Variants in CNTN4 observed in about 807,000 individuals in gnomAD.
CNTN4 encodes contactin-4.
Under a neutral mutation model 122.5 loss-of-function variants are expected in CNTN4, and 77 were observed. The observed-to-expected ratio is 0.63, with a 90% CI of 0.52 to 0.76. CNTN4 has a LOEUF of 0.76. CNTN4 is among the 30% of genes least tolerant of loss of function. CNTN4 has a pLI of 0.00. For synonymous variants in CNTN4, 512 were observed against 447.0 expected (o/e 1.15, Z -1.83); for missense variants, 1,256 against 1,259.1 (o/e 1.00, Z 0.04).
At chr3:2,699,983 T>C (rs1358730917) in intron 4 of CNTN4, among the ~76,000 whole-genome samples, 2 of 152,124 alleles carry the variant, frequency 1.3e-5, no homozygotes, top group African/African-American at 4.8e-5. Flanking sequence ...ACCAAACAGA[T>C]GGAATGGCAA....
At chr3:2,573,259 C>T (rs910839966) in intron 4 of CNTN4, among the ~76,000 whole-genome samples, 2 of 152,172 alleles carry the variant, frequency 1.3e-5, no homozygotes, top group African/African-American at 4.8e-5. Context: ...ACTTATACAT[C>T]TTTTAATAGT....
intron 2 of CNTN4, among the ~76,000 whole-genome samples, chr3:2,221,397 C>G (rs1274252293): frequency 1.3e-5 from 2 of 151,464 alleles, no homozygotes; most frequent in Non-Finnish European, 1.5e-5. Flanking sequence ...TATACAAATA[C>G]TAATTTAAAA....
chr3:2,229,979 A>C (rs1000246443), intron 2 of CNTN4, among the ~76,000 whole-genome samples: 4 of 151,926 alleles, frequency 2.6e-5, no homozygotes, highest in African/African-American at 9.7e-5. Flanking sequence ...AACCATCTTC[A>C]TCATGGAATT....
chr3:2,646,830 T>C (rs1403307298), intron 4 of CNTN4, among the ~76,000 whole-genome samples: 2 of 152,180 alleles, frequency 1.3e-5, no homozygotes, highest in Non-Finnish European at 2.9e-5. Context: ...AAATTTCCTC[T>C]TCTTATAAGG....
At chr3:2,209,348 A>G (rs2038502917) in intron 2 of CNTN4, among the ~76,000 whole-genome samples, 1 of 152,184 alleles carries the variant, frequency 6.6e-6, no homozygotes, top group African/African-American at 2.4e-5. Context: ...GGTTACATCT[A>G]ACTGCTAAGG....
chr3:2,737,300 C>T (rs2089180872), intron 5 of CNTN4, among the ~76,000 whole-genome samples: 1 of 151,938 alleles, frequency 6.6e-6, no homozygotes, highest in African/African-American at 2.4e-5. Flanking sequence ...AAACTGGTCT[C>T]GTATTCCTGA....
At chr3:2,585,936 A>G (rs1191879497) in intron 4 of CNTN4, among the ~76,000 whole-genome samples, 1 of 152,098 alleles carries the variant, frequency 6.6e-6, no homozygotes. Flanking sequence ...TGATGTAACT[A>G]GAACCATGTG....
At chr3:2,758,478 C>G (rs2090438607) in intron 6 of CNTN4, among the ~76,000 whole-genome samples, 1 of 149,224 alleles carries the variant, frequency 6.7e-6, no homozygotes, top group Admixed American at 6.7e-5. Flanking sequence ...TAGAAAAAAA[C>G]TCATTATGAA....
intron 2 of CNTN4, among the ~76,000 whole-genome samples, chr3:2,109,442 C>G (rs2032769102): frequency 6.6e-6 from 1 of 152,160 alleles, no homozygotes; most frequent in Non-Finnish European, 1.5e-5. Flanking sequence ...CATATCCTCT[C>G]TACCTTTGGG....
intron 3 of CNTN4, among the ~76,000 whole-genome samples, chr3:2,393,653 T>C (rs1210035363): frequency 6.6e-6 from 1 of 152,200 alleles, no homozygotes; most frequent in Non-Finnish European, 1.5e-5. Context: ...ACCTTCTTTT[T>C]TAAATTATCA....
intron 17 of CNTN4, among the ~76,000 whole-genome samples, chr3:3,036,608 C>CAA (rs57755039): frequency 0.32 from 48,059 of 148,496 alleles, 7,878 homozygotes; most frequent in Non-Finnish European, 0.37. Flanking sequence ...ACTAAAAATA[C>CAA]AAAAAAAAAA....
Position 2,870,520 on chromosome 3 carries a change from G to T in CNTN4, c.652+3571G>T, listed in dbSNP as rs550617163. Among the ~76,000 whole-genome samples, 182 of 152,296 alleles carry T rather than the reference G, an allele frequency of 1.2e-3. 1 individual carries two copies. The highest frequency in any genetic ancestry group is 4.1e-3 in the African/African-American group (172 of 41,578). On this transcript the variant is annotated intron_variant, in intron 8 of 24. Transcript: ENST00000418658. ...ATTGCAAAATAAAGAGGACATTCTT[G>T]TTAAAATCTATTCTGTGACAGTAAA...
intron 13 of CNTN4, among the ~76,000 whole-genome samples, chr3:2,980,906 G>A (rs772722660): frequency 2.0e-5 from 3 of 152,132 alleles, no homozygotes; most frequent in Non-Finnish European, 4.4e-5. Context: ...TTATGCAAAT[G>A]AGGTCTTTGC....
At chr3:2,941,400 G>A (rs959756466) in intron 13 of CNTN4, among the ~76,000 whole-genome samples, 2 of 152,050 alleles carry the variant, frequency 1.3e-5, no homozygotes, top group African/African-American at 4.8e-5. Context: ...AGCAATGTAT[G>A]GTTAACATTC....
intron 15 of CNTN4, 57 bp downstream of exon 15, chr3:3,026,334 T>C: frequency 2.1e-6 from 3 of 1,419,456 alleles, no homozygotes; most frequent in Non-Finnish European, 3.0e-6. Context: ...AACTTAACAA[T>C]ATATTTAAAG....
intron 3 of CNTN4, among the ~76,000 whole-genome samples, chr3:2,540,982 T>G (rs909064851): frequency 8.5e-5 from 13 of 152,242 alleles, no homozygotes; most frequent in African/African-American, 2.2e-4. Flanking sequence ...AAAGCATCTG[T>G]TTTGCATATG....
chr3:2,658,015 A>G (rs1266500623), intron 4 of CNTN4, among the ~76,000 whole-genome samples: 1 of 148,070 alleles, frequency 6.8e-6, no homozygotes, highest in Non-Finnish European at 1.5e-5. Flanking sequence ...TTATAATAGT[A>G]AATAGCTATG....
intron 4 of CNTN4, among the ~76,000 whole-genome samples, chr3:2,634,702 ATATG>A (rs1244182876): frequency 1.8e-4 from 26 of 147,384 alleles, no homozygotes; most frequent in African/African-American, 5.4e-4. Context: ...ATATATATAT[ATATG>A]TTAGCTGGGC....
intron 12 of CNTN4, among the ~76,000 whole-genome samples, chr3:2,916,130 A>G (rs2094350936): frequency 6.6e-6 from 1 of 152,228 alleles, no homozygotes; most frequent in African/African-American, 2.4e-5. Context: ...AGTTAATACT[A>G]CTGTACTGTA....
Sources: gnomAD v4.1 joint callset for allele counts (sites outside exome capture counted in the v4.1 genomes callset) on GRCh38, gnomAD v4.1.1 for gene constraint, MANE v1.5 for transcripts, NCBI Gene and HGNC (gene_info 2026-07-23, HGNC 2026-07-21) for gene names.